LRBA: variants seen among roughly 807,000 people sequenced by gnomAD.
LRBA encodes the protein lipopolysaccharide-responsive and beige-like anchor protein.
Under a neutral mutation model 330.0 loss-of-function variants are expected in LRBA, and 176 were observed. The ratio of observed to expected loss-of-function variants is 0.53; its 90% CI spans 0.47 to 0.60. The LOEUF (loss-of-function observed/expected upper bound fraction) is 0.60. LRBA is among the 20% of genes least tolerant of loss of function. LRBA has a pLI of 0.00. For missense variants in LRBA, 3,259 were observed against 3,444.8 expected (o/e 0.95, Z 1.35); for synonymous variants, 1,230 against 1,193.0 (o/e 1.03, Z -0.64).
chr4:150,331,890 CAT>C (rs1347100940), intron 48 of LRBA, among the ~76,000 whole-genome samples: 1 of 152,178 alleles, frequency 6.6e-6, no homozygotes, highest in Non-Finnish European at 1.5e-5. Context: ...ACCACTATCA[CAT>C]ATTAGCTCAG....
chr4:150,617,783 C>T (rs1226006468), intron 37 of LRBA, among the ~76,000 whole-genome samples: 1 of 152,142 alleles, frequency 6.6e-6, no homozygotes, highest in African/African-American at 2.4e-5. Flanking sequence ...GCCACTAAAC[C>T]TCGTCTATTA....
chr4:150,720,293 A>G (rs1389253619), intron 36 of LRBA, among the ~76,000 whole-genome samples: 1 of 152,132 alleles, frequency 6.6e-6, no homozygotes, highest in Admixed American at 6.6e-5. Context: ...TAGAAAAGAC[A>G]AAACATCTGA....
intron 37 of LRBA, among the ~76,000 whole-genome samples, chr4:150,610,857 A>AC (rs1775187701): frequency 2.0e-5 from 3 of 152,272 alleles, no homozygotes; most frequent in South Asian, 4.1e-4. Context: ...GATGATAATT[A>AC]ATCAATATAA....
chr4:150,838,493 T>A (rs939590088), intron 28 of LRBA, among the ~76,000 whole-genome samples: 1 of 152,198 alleles, frequency 6.6e-6, no homozygotes, highest in Non-Finnish European at 1.5e-5. Context: ...TTCATTTCTC[T>A]TTACTCTTTT....
At position 150,896,485 on chromosome 4, in the gene LRBA, G is replaced by A. The variant is rs147369155; in HGVS notation, c.2005-29C>T. Reference sequence around the variant, plus strand: ...CAAAAACATAATACAGGTATCTTACGTTTACATGTAAAAAAATGTTTAAAG... The same window carrying A: ...CAAAAACATAATACAGGTATCTTACATTTACATGTAAAAAAATGTTTAAAG... On this transcript the variant is annotated intron_variant, in intron 15 of 56. Coordinates refer to ENST00000651943, the MANE Select transcript of LRBA (RefSeq NM_001364905.1). 7.9e-4 allele frequency: 929 copies of A among 1,170,688 alleles called. 3 individuals carry two copies. Among genetic ancestry groups the A allele is most frequent in the South Asian group, 6.3e-3 (446 of 70,548 alleles). The allele number at this position is 1,170,688 out of a possible 1,614,324, so 72.5% of individuals were successfully genotyped here. A position where few individuals can be genotyped will look rare whatever the true frequency, so the allele number is the denominator to read the frequency against.
chr4:150,664,553 T>A (rs1311305622), intron 37 of LRBA, among the ~76,000 whole-genome samples: 2 of 152,176 alleles, frequency 1.3e-5, no homozygotes, highest in Non-Finnish European at 2.9e-5. Context: ...AAAGTATATA[T>A]AATCCAAAAA....
At chr4:150,963,726 G>A (rs946746734) in intron 2 of LRBA, among the ~76,000 whole-genome samples, 9 of 146,266 alleles carry the variant, frequency 6.2e-5, no homozygotes, top group African/African-American at 1.6e-4. Context: ...CCGCCACCCC[G>A]TCTAGGAAGT....
intron 17 of LRBA, among the ~76,000 whole-genome samples, chr4:150,880,698 G>A (rs977339727): frequency 1.3e-5 from 2 of 152,068 alleles, no homozygotes; most frequent in Non-Finnish European, 2.9e-5. Flanking sequence ...ATTGACAAGT[G>A]GGACCCAATT....
chr4:150,934,301 A>G (rs1038448704), intron 2 of LRBA, among the ~76,000 whole-genome samples: 3 of 152,244 alleles, frequency 2.0e-5, no homozygotes, highest in Admixed American at 2.0e-4. Context: ...AAAATCTCAT[A>G]CTTACATATT....
chr4:150,949,570 T>A (rs116034818), intron 2 of LRBA, among the ~76,000 whole-genome samples: 1 of 152,198 alleles, frequency 6.6e-6, no homozygotes, highest in African/African-American at 2.4e-5. Context: ...CTGCATTATG[T>A]CTTCAACTGC....
intron 50 of LRBA, among the ~76,000 whole-genome samples, chr4:150,320,065 A>G (rs1319903521): frequency 6.6e-6 from 1 of 152,168 alleles, no homozygotes; most frequent in Non-Finnish European, 1.5e-5. Flanking sequence ...CTTCTTCTTA[A>G]AAAAAATTCT....
intron 28 of LRBA, among the ~76,000 whole-genome samples, chr4:150,832,937 T>A (rs1410663226): frequency 1.3e-5 from 2 of 152,066 alleles, no homozygotes; most frequent in Non-Finnish European, 2.9e-5. Context: ...ATCCAGCTAA[T>A]TTTTGTTTTT....
At chr4:150,764,886 C>CT (rs1406279757) in intron 34 of LRBA, among the ~76,000 whole-genome samples, 1 of 152,068 alleles carries the variant, frequency 6.6e-6, no homozygotes, top group African/African-American at 2.4e-5. Flanking sequence ...TAAGCCTACT[C>CT]TTACCACAAG....
chr4:150,401,217 C>T (rs28456277), intron 47 of LRBA, among the ~76,000 whole-genome samples: 7,459 of 152,288 alleles, frequency 0.049, 285 homozygotes, highest in East Asian at 0.18. Flanking sequence ...GGGAGAATGG[C>T]CCTGCTGACT....
In LRBA at chr4:150,265,437, T is replaced by C. The variant is rs1360120294; in HGVS notation, c.*285A>G. Reference sequence around the variant, plus strand: ...AATATTATAGCTGGAATAAGTGGTTTACTTGCTCCACTGTATGTTTCCATA... The same window carrying C: ...AATATTATAGCTGGAATAAGTGGTTCACTTGCTCCACTGTATGTTTCCATA... On this transcript the variant is annotated 3_prime_UTR_variant, in exon 57 of 57. Coordinates refer to ENST00000651943, the MANE Select transcript of LRBA (RefSeq NM_001364905.1). 1.2e-5 allele frequency: 3 copies of C among 256,572 alleles called. No individual in the cohort carries two copies. In the East Asian group the frequency reaches 2.3e-4, roughly 20 times the overall value. The allele number at this position is 256,572 out of a possible 1,614,324, so 15.9% of individuals were successfully genotyped here.
intron 53 of LRBA, among the ~76,000 whole-genome samples, chr4:150,287,792 A>G (rs1052115053): frequency 6.6e-6 from 1 of 152,210 alleles, no homozygotes; most frequent in African/African-American, 2.4e-5. Flanking sequence ...GCTTCGTTTC[A>G]TTTGATTCCA....
chr4:150,483,716 C>A (rs1757558258), intron 42 of LRBA, among the ~76,000 whole-genome samples: 2 of 152,120 alleles, frequency 1.3e-5, no homozygotes, highest in South Asian at 4.1e-4. Context: ...GACCTCAGAT[C>A]AATTCTGGAG....
chr4:150,264,992 T>TAAAAG lies in LRBA; in HGVS notation c.*725_*729dup, dbSNP rs1312294495. ...TGAGCTTTGGTACTTGCATTTACTT[T>TAAAAG]AAAAGAAAAACAAATGTTGTGAGCT... On this transcript the variant is annotated 3_prime_UTR_variant, in exon 57 of 57. Coordinates refer to ENST00000651943, the MANE Select transcript of LRBA (RefSeq NM_001364905.1). The TAAAAG allele has an allele frequency of 1.3e-5, 2 of 152,622 alleles. No individual in the cohort carries two copies. Among genetic ancestry groups the TAAAAG allele is most frequent in the Non-Finnish European group, 2.9e-5 (2 of 68,052 alleles). 9.5% of individuals were successfully genotyped at this position (152,622 alleles called of 1,614,324 possible).
At chr4:150,949,524 T>C (rs1268566277) in intron 2 of LRBA, among the ~76,000 whole-genome samples, 3 of 152,084 alleles carry the variant, frequency 2.0e-5, no homozygotes, top group East Asian at 1.9e-4. Context: ...GATTTTCCCA[T>C]TGGGGGAAAC....
Sources: allele counts gnomAD v4.1 joint callset (sites outside exome capture counted in the v4.1 genomes callset), GRCh38; gene constraint gnomAD v4.1.1; transcripts MANE v1.5; gene names NCBI Gene and HGNC (gene_info 2026-07-23, HGNC 2026-07-21).